The following FRMD4A variants were observed in gnomAD, a reference collection of about 807,000 sequenced individuals.
FRMD4A encodes the protein FERM domain containing 4A.
A neutral mutation model predicts 129.1 loss-of-function variants in FRMD4A; 29 were observed. The observed-to-expected ratio is 0.22, with a 90% CI of 0.17 to 0.31. The LOEUF is 0.31. Among genes scored for constraint, FRMD4A ranks in the 10% least tolerant of loss-of-function variants. The pLI, the probability that FRMD4A is intolerant of heterozygous loss-of-function variation, is 1.00. For synonymous variants in FRMD4A, 634 were observed against 571.6 expected, an observed-to-expected ratio of 1.11 and a Z score of -1.56; for missense variants, 1,272 against 1,375.8, an observed-to-expected ratio of 0.92 and a Z score of 1.19.
At chr10:13,924,954 C>T (rs1186020249) in intron 2 of FRMD4A, among the ~76,000 whole-genome samples, 1 of 150,440 alleles carries the variant, frequency 6.6e-6, no homozygotes. Context: ...ATCCCAGCTG[C>T]TCAGGAGGCT....
At chr10:13,665,419 G>A (rs541591189) in intron 18 of FRMD4A, among the ~76,000 whole-genome samples, 1 of 152,066 alleles carries the variant, frequency 6.6e-6, no homozygotes, top group Non-Finnish European at 1.5e-5. Flanking sequence ...GTGTGTTTAG[G>A]AGGAAAGAAT....
At chr10:14,109,917 G>A (rs904209151) in intron 2 of FRMD4A, among the ~76,000 whole-genome samples, 1 of 150,286 alleles carries the variant, frequency 6.7e-6, no homozygotes, top group Non-Finnish European at 1.5e-5. Flanking sequence ...GTTGCAGTCA[G>A]CCAAGATCAC....
At chr10:13,654,339 CCT>C (rs1589214577) in intron 23 of FRMD4A, 75 bp downstream of exon 23, 1 of 950,968 alleles carries the variant, frequency 1.1e-6, no homozygotes, top group Non-Finnish European at 1.7e-6. Context: ...ACTGACATAT[CCT>C]TATGTCACCA....
intron 15 of FRMD4A, among the ~76,000 whole-genome samples, chr10:13,683,862 A>T (rs2084841363): frequency 6.6e-6 from 1 of 151,878 alleles, no homozygotes; most frequent in African/African-American, 2.4e-5. Flanking sequence ...ATAGTGCGCC[A>T]CCATGCCTGA....
In FRMD4A at chr10:14,178,356, T is replaced by C. The variant is rs185728648; in HGVS notation, c.45+151702A>G. Among the ~76,000 whole-genome samples the C allele has an allele frequency of 1.2e-3, 179 of 152,362 alleles. 1 individual carries two copies. Among genetic ancestry groups the C allele is most frequent in the African/African-American group, 4.2e-3 (174 of 41,586 alleles). ...CACTTATGTATTCAGGAAACCAATATTCATTGAACATCCACTTCAAGCCAG... is the reference window on the plus strand; with the variant it reads ...CACTTATGTATTCAGGAAACCAATACTCATTGAACATCCACTTCAAGCCAG... On this transcript the variant is annotated intron_variant, in intron 2 of 24. Transcript: ENST00000357447.
At chr10:13,689,246 T>C (rs1444166874) in intron 15 of FRMD4A, among the ~76,000 whole-genome samples, 1 of 135,382 alleles carries the variant, frequency 7.4e-6, no homozygotes, top group Non-Finnish European at 1.5e-5. Context: ...TAAAATGCTG[T>C]GTATAGTACC....
chr10:14,273,021 G>A (rs1479292970), intron 2 of FRMD4A, among the ~76,000 whole-genome samples: 1 of 151,772 alleles, frequency 6.6e-6, no homozygotes, highest in Admixed American at 6.6e-5. Context: ...TTCAAGACCA[G>A]CCTGAGCAAC....
chr10:14,143,077 T>C (rs1589066696), intron 2 of FRMD4A, among the ~76,000 whole-genome samples: 1 of 152,292 alleles, frequency 6.6e-6, no homozygotes, highest in Non-Finnish European at 1.5e-5. Context: ...GAAAACAGTA[T>C]GGTGGTTTCT....
intron 2 of FRMD4A, among the ~76,000 whole-genome samples, chr10:13,943,907 T>C (rs2095312756): frequency 6.6e-6 from 1 of 152,072 alleles, no homozygotes; most frequent in South Asian, 2.1e-4. Flanking sequence ...CCCTGCTCAG[T>C]GGGAAGAAAG....
chr10:14,287,889 T>C (rs1845731617), intron 2 of FRMD4A, among the ~76,000 whole-genome samples: 1 of 152,056 alleles, frequency 6.6e-6, no homozygotes, highest in Non-Finnish European at 1.5e-5. Context: ...CCATAATTCT[T>C]TAACTTCAGA....
intron 2 of FRMD4A, among the ~76,000 whole-genome samples, chr10:14,292,299 T>G (rs966060451): frequency 6.6e-6 from 1 of 152,192 alleles, no homozygotes; most frequent in Non-Finnish European, 1.5e-5. Context: ...GTATGAGAAA[T>G]AAGCCAATGG....
chr10:13,695,431 G>T (rs11818153), intron 14 of FRMD4A, among the ~76,000 whole-genome samples: 3,533 of 152,234 alleles, frequency 0.023, 142 homozygotes, highest in African/African-American at 0.082. Context: ...GTGAGCCACC[G>T]CGCCTGGCTA....
intron 2 of FRMD4A, among the ~76,000 whole-genome samples, chr10:14,236,090 C>G (rs554642948): frequency 6.6e-6 from 1 of 152,348 alleles, no homozygotes; most frequent in South Asian, 2.1e-4. Context: ...TTGAGCCTTT[C>G]TTTCCTATTC....
intron 15 of FRMD4A, among the ~76,000 whole-genome samples, chr10:13,675,417 T>C (rs2083893924): frequency 6.6e-6 from 1 of 152,250 alleles, no homozygotes; most frequent in African/African-American, 2.4e-5. Context: ...TATTTATCTT[T>C]GTTTGAGACA....
chr10:14,226,472 C>T (rs745618008), intron 2 of FRMD4A, among the ~76,000 whole-genome samples: 3 of 152,202 alleles, frequency 2.0e-5, no homozygotes, highest in Non-Finnish European at 4.4e-5. Context: ...TGTACAGTCT[C>T]ACAGTTCTGG....
At chr10:14,106,465 G>A (rs907205241) in intron 2 of FRMD4A, among the ~76,000 whole-genome samples, 1 of 152,140 alleles carries the variant, frequency 6.6e-6, no homozygotes, top group African/African-American at 2.4e-5. Context: ...GACTTTGCAG[G>A]ATACAAAATT....
intron 2 of FRMD4A, among the ~76,000 whole-genome samples, chr10:14,056,942 G>A (rs1411124875): frequency 6.6e-6 from 1 of 152,210 alleles, no homozygotes; most frequent in African/African-American, 2.4e-5. Context: ...ATTAACAAGT[G>A]AGTCTTTTGT....
At chr10:13,810,970 C>T (rs2093434155) in intron 3 of FRMD4A, 62 bp from the exon 4 acceptor site, 4 of 783,754 alleles carry the variant, frequency 5.1e-6, no homozygotes, top group Non-Finnish European at 8.7e-6. Context: ...CTAAAATATG[C>T]AATCTCAGGT....
At chr10:13,720,871 A>ATGAT (rs2089348069) in intron 12 of FRMD4A, among the ~76,000 whole-genome samples, 1 of 152,194 alleles carries the variant, frequency 6.6e-6, no homozygotes, top group Non-Finnish European at 1.5e-5. Context: ...ACATCAAAGG[A>ATGAT]CGATAGAATA....
Sources: gnomAD v4.1 joint callset for allele counts (sites outside exome capture counted in the v4.1 genomes callset) on GRCh38, gnomAD v4.1.1 for gene constraint, MANE v1.5 for transcripts, NCBI Gene and HGNC (gene_info 2026-07-23, HGNC 2026-07-21) for gene names.